SOHLH2: variants seen among roughly 807,000 people sequenced by gnomAD.
SOHLH2 encodes spermatogenesis- and oogenesis-specific basic helix-loop-helix-containing protein 2.
A neutral mutation model predicts 50.4 loss-of-function variants in SOHLH2; 22 were observed. The observed-to-expected ratio is 0.44, with a 90% CI of 0.31 to 0.62. SOHLH2 has a LOEUF of 0.62. Ranked by LOEUF, SOHLH2 falls within the 20% of genes least tolerant of loss-of-function variation. The pLI is 0.08. For missense variants in SOHLH2, 412 were observed against 504.4 expected (o/e 0.82, Z 1.76); for synonymous variants, 185 against 187.3 (o/e 0.99, Z 0.10).
chr13:36,212,365 G>A (rs1031821209), intron 1 of SOHLH2, among the ~76,000 whole-genome samples: 1 of 152,168 alleles, frequency 6.6e-6, no homozygotes, highest in Non-Finnish European at 1.5e-5. Flanking sequence ...GGACAAATCA[G>A]AACACTGCTC....
In SOHLH2 at chr13:36,178,825, T is replaced by A. The variant is rs1190125619; in HGVS notation, c.642-3956A>T. Among the ~76,000 whole-genome samples, 11 of 152,124 alleles carry A rather than the reference T, an allele frequency of 7.2e-5. No individual in the cohort carries two copies. The East Asian group carries it at 2.1e-3, about 29-fold the overall frequency. ...GATCAATGTACAGATCATTTGTTTT[T>A]TTTTTTTTGCATATTTGTTCCTAAG... On this transcript the variant is annotated intron_variant, in intron 6 of 10. Transcript: ENST00000379881.
intron 1 of SOHLH2, among the ~76,000 whole-genome samples, chr13:36,207,814 C>T (rs980607479): frequency 3.9e-5 from 6 of 152,044 alleles, no homozygotes; most frequent in Admixed American, 6.6e-5. Context: ...ATTTGTCTGA[C>T]GTTTTCTCAT....
intron 6 of SOHLH2, among the ~76,000 whole-genome samples, chr13:36,181,122 T>C (rs1379896110): frequency 1.3e-5 from 2 of 152,230 alleles, no homozygotes; most frequent in Non-Finnish European, 1.5e-5. Context: ...ATTGCCCCTC[T>C]TTACCGCAGG....
intron 8 of SOHLH2, 26 bp downstream of exon 8, chr13:36,174,450 C>T: frequency 6.2e-7 from 1 of 1,609,310 alleles, no homozygotes; most frequent in Non-Finnish European, 8.5e-7. Flanking sequence ...TAGCAGACTT[C>T]AGATTCGCAA....
intron 6 of SOHLH2, among the ~76,000 whole-genome samples, chr13:36,177,993 G>C (rs755858866): frequency 6.6e-6 from 1 of 151,736 alleles, no homozygotes; most frequent in Non-Finnish European, 1.5e-5. Context: ...CGTACTCTCA[G>C]CTCATGAAGA....
At chr13:36,191,185 T>C (rs904503056) in intron 5 of SOHLH2, among the ~76,000 whole-genome samples, 6 of 152,112 alleles carry the variant, frequency 3.9e-5, no homozygotes, top group African/African-American at 1.4e-4. Flanking sequence ...CAATCCAGGT[T>C]TGAATGCCAG....
intron 6 of SOHLH2, among the ~76,000 whole-genome samples, chr13:36,179,193 T>C (rs772366885): frequency 1.2e-4 from 18 of 152,348 alleles, no homozygotes; most frequent in Non-Finnish European, 2.2e-4. Context: ...CTGATCTTTT[T>C]AAGGAGCAGT....
At chr13:36,189,663 C>A (rs1887519730) in intron 6 of SOHLH2, among the ~76,000 whole-genome samples, 1 of 152,150 alleles carries the variant, frequency 6.6e-6, no homozygotes, top group Non-Finnish European at 1.5e-5. Context: ...TAATTTTCTA[C>A]TTAATAGCCT....
chr13:36,197,242 G>T (rs888719882), intron 2 of SOHLH2, among the ~76,000 whole-genome samples: 1 of 152,050 alleles, frequency 6.6e-6, no homozygotes, highest in African/African-American at 2.4e-5. Context: ...GATGTTTCCT[G>T]AGGCTACACC....
At chr13:36,205,506 T>C (rs937731461) in intron 1 of SOHLH2, among the ~76,000 whole-genome samples, 2 of 152,102 alleles carry the variant, frequency 1.3e-5, no homozygotes, top group Admixed American at 6.6e-5. Flanking sequence ...CAGTATAACA[T>C]GATTTTTTTT....
intron 6 of SOHLH2, among the ~76,000 whole-genome samples, chr13:36,186,334 G>C (rs1363558113): frequency 6.6e-6 from 1 of 152,140 alleles, no homozygotes; most frequent in African/African-American, 2.4e-5. Flanking sequence ...CATCATATGT[G>C]ATGGTAAAAG....
At chr13:36,210,445 T>TC (rs1307876638) in intron 1 of SOHLH2, among the ~76,000 whole-genome samples, 1 of 152,230 alleles carries the variant, frequency 6.6e-6, no homozygotes, top group African/African-American at 2.4e-5. Flanking sequence ...TGTGTATTTT[T>TC]TTTTTTAACG....
chr13:36,178,953 T>C (rs1261718892), intron 6 of SOHLH2, among the ~76,000 whole-genome samples: 1 of 152,156 alleles, frequency 6.6e-6, no homozygotes, highest in African/African-American at 2.4e-5. Context: ...TTTTTGTACC[T>C]TATCTTCTGT....
chr13:36,198,787 TA>T (rs1887809764), intron 2 of SOHLH2, among the ~76,000 whole-genome samples: 1 of 152,238 alleles, frequency 6.6e-6, no homozygotes, highest in Admixed American at 6.5e-5. Flanking sequence ...TTATTTTCAA[TA>T]AAAATCTATA....
chr13:36,177,170 A>T (rs1887118198), intron 6 of SOHLH2, among the ~76,000 whole-genome samples: 1 of 152,118 alleles, frequency 6.6e-6, no homozygotes, highest in Non-Finnish European at 1.5e-5. Flanking sequence ...ATAAAATCTT[A>T]CAGCATGTAT....
intron 1 of SOHLH2, among the ~76,000 whole-genome samples, chr13:36,205,606 A>C (rs1868711051): frequency 6.6e-6 from 1 of 152,102 alleles, no homozygotes; most frequent in Admixed American, 6.5e-5. Flanking sequence ...CCTATTCATA[A>C]TGTGTAATGA....
At chr13:36,195,663 C>G (rs1026998048) in intron 2 of SOHLH2, among the ~76,000 whole-genome samples, 1 of 152,120 alleles carries the variant, frequency 6.6e-6, no homozygotes, top group African/African-American at 2.4e-5. Context: ...GTGATCCAGG[C>G]AAGAGCTGAT....
chr13:36,172,689 T>G (rs1230168558), intron 9 of SOHLH2, among the ~76,000 whole-genome samples: 1 of 152,156 alleles, frequency 6.6e-6, no homozygotes, highest in Non-Finnish European at 1.5e-5. Flanking sequence ...TGTGTCCCCA[T>G]CTTTGAGGCA....
In SOHLH2 at chr13:36,173,716, T is replaced by C; in HGVS notation, c.976A>G (p.Ser326Gly). ...WNGCSTPDAE[S>G]SLDEAVRVPS... The stretch of plus-strand genomic sequence containing the variant: ...CCTCTCACAGCTTCATCCAAGGAGC[T>C]CTCTGCATCAGGAGTGGAGCACCCA... The change falls in exon 9 of 11, where the codon AGC (serine) becomes GGC (glycine). Residue 326 changes from serine (S) to glycine (G), a missense_variant. Ser to Gly is a moderately conservative substitution (Grantham distance 56). Transcript: ENST00000379881. The C allele has an allele frequency of 6.2e-7, 1 of 1,613,332 alleles. No individual in the cohort carries two copies. The highest frequency in any genetic ancestry group is 8.5e-7 in the Non-Finnish European group (1 of 1,179,924).
Sources: gnomAD v4.1 joint callset for allele counts (sites outside exome capture counted in the v4.1 genomes callset) on GRCh38, gnomAD v4.1.1 for gene constraint, MANE v1.5 for transcripts, NCBI Gene and HGNC (gene_info 2026-07-23, HGNC 2026-07-21) for gene names.